Variants in CD109 observed in about 807,000 individuals in gnomAD.
The protein encoded by CD109 is CD109 antigen.
Under a neutral mutation model 165.8 loss-of-function variants are expected in CD109, and 149 were observed. The ratio of observed to expected loss-of-function variants is 0.90; its 90% CI spans 0.79 to 1.03. The LOEUF (loss-of-function observed/expected upper bound fraction) is 1.03, where lower values mean the gene tolerates loss of function less well. Among genes scored for constraint, CD109 ranks in the 50% least tolerant of loss-of-function variants. The pLI, the probability that CD109 is intolerant of heterozygous loss-of-function variation, is 0.00. For missense variants in CD109, 1,712 were observed against 1,677.8 expected, an observed-to-expected ratio of 1.02 and a Z score of -0.36; for synonymous variants, 585 against 592.1, an observed-to-expected ratio of 0.99 and a Z score of 0.18.
At chr6:73,683,644 C>T in the CD109 span, among the ~76,000 whole-genome samples, 1 of 152,126 alleles carries the variant, frequency 6.6e-6, no homozygotes, top group African/African-American at 2.4e-5. Flanking sequence ...CTGTATTAGT[C>T]CGTTTTCACA....
At chr6:73,791,200 T>C (rs867000814) in intron 22 of CD109, among the ~76,000 whole-genome samples, 1 of 119,392 alleles carries the variant, frequency 8.4e-6, no homozygotes, top group African/African-American at 3.8e-5. Context: ...TACATATATA[T>C]ATATATATAT....
At chr6:73,715,291 G>A (rs1020643039) in intron 2 of CD109, among the ~76,000 whole-genome samples, 1 of 151,534 alleles carries the variant, frequency 6.6e-6, no homozygotes, top group South Asian at 2.1e-4. Flanking sequence ...GATGAGGCAC[G>A]GTGACTCACA....
At chr6:73,747,216 C>A (rs1303334468) in intron 5 of CD109, among the ~76,000 whole-genome samples, 1 of 152,158 alleles carries the variant, frequency 6.6e-6, no homozygotes, top group Non-Finnish European at 1.5e-5. Flanking sequence ...TGTCTTAGAT[C>A]TTTTTATAAA....
chr6:73,818,460 A>G lies in CD109; in HGVS notation c.3984A>G (p.Ser1328=). Residue 1328 remains serine, a synonymous_variant, in exon 31 of 33, where the codon TCA becomes TCG. Transcript: ENST00000287097. The part of the protein sequence containing the change: ...VNLLSGFMVP[S]EAISLSETVK... ...TATTAAGTGGCTTTATGGTGCCTTCAGAAGCAATTTCTCTGAGCGAGACAG... is the reference window on the plus strand; with the variant it reads ...TATTAAGTGGCTTTATGGTGCCTTCGGAAGCAATTTCTCTGAGCGAGACAG... 1.2e-6 allele frequency: 2 copies of G among 1,613,860 alleles called. No individual in the cohort carries two copies. The highest frequency in any genetic ancestry group is 1.7e-6 in the Non-Finnish European group (2 of 1,179,932).
chr6:73,791,113 G>T (rs1178132429), intron 22 of CD109, among the ~76,000 whole-genome samples: 1 of 108,248 alleles, frequency 9.2e-6, no homozygotes, highest in Non-Finnish European at 1.8e-5. Flanking sequence ...GACTTTATTT[G>T]GAGGCATATA....
chr6:73,772,074 T>C (rs1223209777), intron 15 of CD109, among the ~76,000 whole-genome samples: 4 of 152,218 alleles, frequency 2.6e-5, no homozygotes, highest in Non-Finnish European at 5.9e-5. Context: ...TCCTTCATTT[T>C]CATACTACAT....
intron 29 of CD109, among the ~76,000 whole-genome samples, chr6:73,813,311 G>C (rs1054393048): frequency 6.6e-6 from 1 of 152,140 alleles, no homozygotes; most frequent in Non-Finnish European, 1.5e-5. Context: ...TAAATATGCT[G>C]TGTATTCTAG....
At chr6:73,813,665 A>C (rs946079056) in intron 29 of CD109, among the ~76,000 whole-genome samples, 4 of 152,154 alleles carry the variant, frequency 2.6e-5, no homozygotes, top group African/African-American at 9.6e-5. Flanking sequence ...GTTTGCAGTA[A>C]ATATTACCCT....
the CD109 span, among the ~76,000 whole-genome samples, chr6:73,686,450 C>G: frequency 3.3e-4 from 51 of 152,264 alleles, no homozygotes; most frequent in Admixed American, 9.8e-4. Flanking sequence ...GCATTTAAAT[C>G]TAGAAATTTA....
chr6:73,715,795 T>C (rs961327837), intron 2 of CD109, among the ~76,000 whole-genome samples: 6 of 152,208 alleles, frequency 3.9e-5, no homozygotes, highest in Admixed American at 1.3e-4. Context: ...ATTTTAGTTA[T>C]TTAAAAATGT....
chr6:73,745,510 T>C (rs1325392025), intron 5 of CD109, among the ~76,000 whole-genome samples: 1 of 152,146 alleles, frequency 6.6e-6, no homozygotes, highest in Non-Finnish European at 1.5e-5. Context: ...TTATATGACT[T>C]GTGGATGCCA....
In CD109 at chr6:73,766,979, G is replaced by A. The variant is rs1220517212; in HGVS notation, c.1466G>A (p.Gly489Asp). Residue 489 changes from glycine (G) to aspartate (D), a missense_variant, in exon 13 of 33, where the codon GGC (glycine) becomes GAC (aspartate). Transcript: ENST00000287097. The part of the protein sequence containing the change: ...VGSPFELVVS[G>D]NKRLKELSYM... ...TCGCCTTTTGAGTTGGTGGTTAGTG[G>A]CAACAAACGATTGAAGGAGTTAAGC... is the stretch of plus-strand genomic sequence containing the variant. 4.3e-6 allele frequency: 7 copies of A among 1,613,306 alleles called. No individual in the cohort carries two copies. Among genetic ancestry groups the A allele is most frequent in the Non-Finnish European group, 5.9e-6 (7 of 1,179,710 alleles).
intron 27 of CD109, among the ~76,000 whole-genome samples, chr6:73,810,380 G>C (rs950388711): frequency 1.3e-5 from 2 of 150,752 alleles, no homozygotes; most frequent in South Asian, 2.1e-4. Flanking sequence ...TAAGCAAAAG[G>C]CTAAATTGAT....
chr6:73,765,135 TG>T (rs755559971), intron 10 of CD109, among the ~76,000 whole-genome samples: 1 of 151,060 alleles, frequency 6.6e-6, no homozygotes, highest in Non-Finnish European at 1.5e-5. Flanking sequence ...GAGTGGGAGG[TG>T]GGGAGCAAGA....
chr6:73,708,334 T>A (rs1204431414), intron 2 of CD109, among the ~76,000 whole-genome samples: 1 of 152,176 alleles, frequency 6.6e-6, no homozygotes, highest in East Asian at 1.9e-4. Flanking sequence ...GAACTCATCA[T>A]TTTTTATGGC....
At chr6:73,817,416 G>A (rs968208874) in intron 30 of CD109, among the ~76,000 whole-genome samples, 8 of 152,014 alleles carry the variant, frequency 5.3e-5, no homozygotes, top group Non-Finnish European at 8.8e-5. Context: ...TCAGTGCATT[G>A]CCAGCAGATG....
At chr6:73,791,050 G>A (rs969327908) in intron 22 of CD109, among the ~76,000 whole-genome samples, 1 of 149,330 alleles carries the variant, frequency 6.7e-6, no homozygotes, top group Non-Finnish European at 1.5e-5. Context: ...ATATTTCACT[G>A]GCAGATGTAA....
intron 5 of CD109, among the ~76,000 whole-genome samples, chr6:73,755,473 C>T (rs749699918): frequency 1.3e-5 from 2 of 152,092 alleles, no homozygotes; most frequent in Non-Finnish European, 2.9e-5. Flanking sequence ...AAAATAACTT[C>T]GTGGTGTACA....
Position 73,783,832 on chromosome 6 carries a change from A to G in CD109, c.2223+8A>G. ...ACAACTACTCCAGTGGAGGTATTGT[A>G]TTAAAGAGCTGCTTATCAGTATTAC... On this transcript the variant is annotated splice_region_variant and intron_variant, in intron 19 of 32. Coordinates refer to ENST00000287097, the MANE Select transcript of CD109 (RefSeq NM_133493.5). 1 of 1,451,070 alleles carries G rather than the reference A, an allele frequency of 6.9e-7. No individual in the cohort carries two copies. Among genetic ancestry groups the G allele is most frequent in the Non-Finnish European group, 9.6e-7 (1 of 1,038,108 alleles). 89.9% of individuals were successfully genotyped at this position (1,451,070 alleles called of 1,614,324 possible).
Sources: gnomAD v4.1 joint callset for allele counts (sites outside exome capture counted in the v4.1 genomes callset) on GRCh38, gnomAD v4.1.1 for gene constraint, MANE v1.5 for transcripts, NCBI Gene and HGNC (gene_info 2026-07-23, HGNC 2026-07-21) for gene names.